The following DOK5 variants were observed in gnomAD, a reference collection of about 807,000 sequenced individuals.
The protein encoded by DOK5 is downstream of tyrosine kinase 5.
DOK5 carries 27 observed loss-of-function variants against 43.3 expected under a neutral mutation model. The observed-to-expected ratio is 0.62, with a 90% confidence interval of 0.46 to 0.86. The LOEUF is 0.86. Among genes scored for constraint, DOK5 ranks in the 40% least tolerant of loss-of-function variants. The pLI, the probability that DOK5 is intolerant of heterozygous loss-of-function variation, is 0.00. For synonymous variants in DOK5, 146 were observed against 140.1 expected (o/e 1.04, Z -0.30); for missense variants, 373 against 392.9 (o/e 0.95, Z 0.43).
At chr20:54,613,502 A>T (rs1986717043) in intron 6 of DOK5, among the ~76,000 whole-genome samples, 1 of 152,198 alleles carries the variant, frequency 6.6e-6, no homozygotes, top group Non-Finnish European at 1.5e-5. Flanking sequence ...ACACAAGAAC[A>T]TACCTGTTTC....
At chr20:54,650,364 T>G (rs956520491) in intron 7 of DOK5, 51 bp from the exon 8 acceptor site, 12 of 1,581,026 alleles carry the variant, frequency 7.6e-6, no homozygotes, top group East Asian at 2.2e-5. Flanking sequence ...CTAATTTGAT[T>G]GTGGGCTTTC....
At chr20:54,594,713 GA>G (rs1237552923) in intron 5 of DOK5, among the ~76,000 whole-genome samples, 2 of 151,916 alleles carry the variant, frequency 1.3e-5, no homozygotes, top group African/African-American at 2.4e-5. Context: ...AATAGTAGTA[GA>G]AAAAAAGTAT....
intron 6 of DOK5, among the ~76,000 whole-genome samples, chr20:54,638,524 G>C (rs1978948726): frequency 6.6e-6 from 1 of 152,148 alleles, no homozygotes; most frequent in South Asian, 2.1e-4. Flanking sequence ...CCCTTGACCG[G>C]TTAACTCAGG....
intron 6 of DOK5, among the ~76,000 whole-genome samples, chr20:54,620,608 G>C (rs547237319): frequency 3.3e-5 from 5 of 152,274 alleles, no homozygotes; most frequent in Admixed American, 6.5e-5. Flanking sequence ...ATGCAACAGT[G>C]TAATTCTGTG....
At chr20:54,584,221 T>A (rs1383182533) in intron 2 of DOK5, among the ~76,000 whole-genome samples, 1 of 151,928 alleles carries the variant, frequency 6.6e-6, no homozygotes, top group Admixed American at 6.6e-5. Context: ...TATTGTTTTC[T>A]GTATTTCTTG....
chr20:54,503,838 T>G (rs6023310), intron 1 of DOK5, among the ~76,000 whole-genome samples: 14,241 of 152,130 alleles, frequency 0.094, 2,275 homozygotes, highest in African/African-American at 0.33. Flanking sequence ...TAAAATGAGG[T>G]GATTGAAGAC....
intron 7 of DOK5, among the ~76,000 whole-genome samples, chr20:54,647,070 A>T (rs1979466307): frequency 6.6e-6 from 1 of 152,102 alleles, no homozygotes; most frequent in Non-Finnish European, 1.5e-5. Context: ...TGGTGGGGAA[A>T]GGGAGGTGGC....
chr20:54,566,547 A>G (rs147266196), intron 2 of DOK5, among the ~76,000 whole-genome samples: 1 of 152,358 alleles, frequency 6.6e-6, no homozygotes, highest in Non-Finnish European at 1.5e-5. Context: ...CATGAGCAGT[A>G]TATGAGTAAT....
At chr20:54,494,553 G>A (rs534594891) in intron 1 of DOK5, among the ~76,000 whole-genome samples, 1 of 152,284 alleles carries the variant, frequency 6.6e-6, no homozygotes, top group Admixed American at 6.5e-5. Flanking sequence ...TGGGTGTGGT[G>A]GCTGGCACCT....
chr20:54,501,270 A>G (rs777445407), intron 1 of DOK5, among the ~76,000 whole-genome samples: 2 of 151,900 alleles, frequency 1.3e-5, no homozygotes, highest in Non-Finnish European at 1.5e-5. Context: ...GATCGAGACT[A>G]TCCTGGCTAA....
intron 1 of DOK5, among the ~76,000 whole-genome samples, chr20:54,524,561 G>A (rs1983518065): frequency 6.6e-6 from 1 of 152,180 alleles, no homozygotes; most frequent in Non-Finnish European, 1.5e-5. Flanking sequence ...ATACTGTGGG[G>A]TAGCTATGAA....
At chr20:54,554,757 A>G (rs1984653278) in intron 1 of DOK5, among the ~76,000 whole-genome samples, 176 bp from the exon 2 acceptor site, 1 of 152,244 alleles carries the variant, frequency 6.6e-6, no homozygotes, top group Non-Finnish European at 1.5e-5. Context: ...TGTCTGAATG[A>G]CACATAATAT....
intron 1 of DOK5, among the ~76,000 whole-genome samples, chr20:54,481,314 C>G (rs1487583031): frequency 6.6e-6 from 1 of 152,112 alleles, no homozygotes; most frequent in Non-Finnish European, 1.5e-5. Context: ...GGATTACAGG[C>G]ATGCACCACC....
At position 54,630,656 on chromosome 20, in the gene DOK5, T is replaced by C. The variant is rs1978521254; in HGVS notation, c.736-12802T>C. ...ATAATTCCCTTCCTTGTTTTTACGA[T>C]CGTTTCATATCACTGCACAAAGATT... On this transcript the variant is annotated intron_variant, in intron 6 of 7. Coordinates refer to ENST00000262593, the MANE Select transcript of DOK5 (RefSeq NM_018431.5). 2.0e-5 allele frequency among the ~76,000 whole-genome samples: 3 copies of C among 152,252 alleles called. No individual in the cohort carries two copies. In the South Asian group the frequency reaches 6.2e-4, roughly 32 times the overall value.
intron 6 of DOK5, among the ~76,000 whole-genome samples, chr20:54,638,827 C>T (rs755635851): frequency 6.1e-5 from 9 of 147,982 alleles, no homozygotes; most frequent in East Asian, 4.0e-4. Context: ...GATCTCAGCT[C>T]GCTGCCACCA....
intron 6 of DOK5, among the ~76,000 whole-genome samples, chr20:54,623,336 A>T (rs1987043780): frequency 6.6e-6 from 1 of 152,078 alleles, no homozygotes; most frequent in South Asian, 2.1e-4. Flanking sequence ...CTTCTGATAG[A>T]CAGGTTCTGC....
intron 1 of DOK5, among the ~76,000 whole-genome samples, chr20:54,509,781 T>G (rs1359460138): frequency 2.6e-5 from 4 of 152,088 alleles, no homozygotes; most frequent in Admixed American, 6.5e-5. Context: ...AGAGAGAAAT[T>G]TCATTCTAGG....
intron 2 of DOK5, among the ~76,000 whole-genome samples, chr20:54,556,203 C>T (rs1600699906): frequency 6.6e-6 from 1 of 152,284 alleles, no homozygotes; most frequent in Non-Finnish European, 1.5e-5. Flanking sequence ...TTCCCTGTCA[C>T]CCCATGAAGC....
intron 5 of DOK5, among the ~76,000 whole-genome samples, chr20:54,609,172 T>TA (rs1986564123): frequency 1.3e-5 from 2 of 151,886 alleles, no homozygotes; most frequent in African/African-American, 2.4e-5. Context: ...TGGGCTAGAC[T>TA]AAAAAAAATA....
Sources: allele counts gnomAD v4.1 joint callset (sites outside exome capture counted in the v4.1 genomes callset), GRCh38; gene constraint gnomAD v4.1.1; transcripts MANE v1.5; gene names NCBI Gene and HGNC (gene_info 2026-07-23, HGNC 2026-07-21).